NUP188: variants seen among roughly 807,000 people sequenced by gnomAD.
The protein encoded by NUP188 is nucleoporin 188, also known as nucleoporin NUP188.
In NUP188, 97 loss-of-function variants were observed where a neutral mutation model predicts 223.0. The observed-to-expected ratio is 0.43, with a 90% CI of 0.37 to 0.51. The LOEUF is 0.51. Ranked by LOEUF, NUP188 falls within the 20% of genes least tolerant of loss-of-function variation. The pLI, the probability that NUP188 is intolerant of heterozygous loss-of-function variation, is 0.00. For synonymous variants in NUP188, 869 were observed against 828.0 expected (o/e 1.05, Z -0.85); for missense variants, 1,947 against 2,175.6 (o/e 0.89, Z 2.09).
rs1473229993 is a variant in NUP188, at chr9:129,001,967, C to T, written c.4128C>T (p.Gly1376=). The T allele has an allele frequency of 6.2e-7, 1 of 1,613,994 alleles. No individual in the cohort carries two copies. The highest frequency in any genetic ancestry group is 2.2e-5 in the East Asian group (1 of 44,886). Reference sequence around the variant, plus strand: ...GTGTGTACCAGCTGAGCACCAACGGCACAGCACAGGTGAGTGTCAGGAGCT... The same window carrying T: ...GTGTGTACCAGCTGAGCACCAACGGTACAGCACAGGTGAGTGTCAGGAGCT... ...LLSVYQLSTN[G]TAQTPSASRK... is the part of the protein sequence containing the mutation. The change falls in exon 36 of 44, where the codon GGC becomes GGT. Residue 1376 remains glycine, a synonymous_variant. Transcript: ENST00000372577.
chr9:128,971,750 C>T (rs1456783755), intron 11 of NUP188, among the ~76,000 whole-genome samples: 1 of 150,368 alleles, frequency 6.7e-6, no homozygotes, highest in East Asian at 2.0e-4. Context: ...GAAATGAAAC[C>T]TCAGGTTCAG....
intron 11 of NUP188, among the ~76,000 whole-genome samples, chr9:128,972,518 A>G (rs1842117589): frequency 1.3e-5 from 2 of 152,238 alleles, no homozygotes; most frequent in African/African-American, 4.8e-5. Context: ...ATGTGATACT[A>G]CAATGGTGGA....
At chr9:128,983,655 T>A (rs2131167671) in intron 19 of NUP188, 105 bp downstream of exon 19, 3 of 861,048 alleles carry the variant, frequency 3.5e-6, no homozygotes, top group East Asian at 5.3e-5. Context: ...TTTGTTTGTT[T>A]ATTTTTTTGA....
intron 2 of NUP188, among the ~76,000 whole-genome samples, chr9:128,950,517 G>A (rs1426557477): frequency 2.0e-5 from 3 of 152,190 alleles, no homozygotes; most frequent in Admixed American, 2.0e-4. Context: ...CACTGTGCCT[G>A]GTATAAACAC....
At chr9:128,952,653 G>T in intron 2 of NUP188, 120 bp from the exon 3 acceptor site, 1 of 675,262 alleles carries the variant, frequency 1.5e-6, no homozygotes. Flanking sequence ...AACCTGGGAG[G>T]CGGAGGTTGC....
rs149051838 is a variant in NUP188, at chr9:129,005,236, C to T, written c.4509+15C>T. On this transcript the variant is annotated intron_variant, in intron 39 of 43. Transcript: ENST00000372577. The stretch of plus-strand genomic sequence containing the variant: ...ATTACTTACAGGTAAGCGTCCTATG[C>T]CATGAGGTCCTGGAATACCTCACGC... 6.3e-5 allele frequency: 102 copies of T among 1,613,200 alleles called. No individual in the cohort carries two copies. In the African/African-American group the frequency reaches 1.1e-3, roughly 18 times the overall value.
chr9:128,948,115 C>T (rs1244620936), intron 1 of NUP188: 2 of 205,774 alleles, frequency 9.7e-6, no homozygotes, highest in African/African-American at 4.6e-5. Flanking sequence ...TTGCGGTCTC[C>T]TGGGGTACCC....
At chr9:128,952,053 A>G (rs1374916835) in intron 2 of NUP188, among the ~76,000 whole-genome samples, 2 of 152,152 alleles carry the variant, frequency 1.3e-5, no homozygotes, top group East Asian at 3.8e-4. Flanking sequence ...TCGGCCTCCC[A>G]AAGTGCTAGG....
At chr9:128,968,285 T>A (rs1239758920) in intron 8 of NUP188, among the ~76,000 whole-genome samples, 1 of 151,034 alleles carries the variant, frequency 6.6e-6, no homozygotes, top group African/African-American at 2.5e-5. Flanking sequence ...AAAAAAAAAA[T>A]TAAATACGGA....
chr9:128,991,327 C>CA (rs1439792316), intron 25 of NUP188, among the ~76,000 whole-genome samples: 1 of 151,962 alleles, frequency 6.6e-6, no homozygotes, highest in Non-Finnish European at 1.5e-5. Context: ...ATCATGAGGT[C>CA]AGGGGTTCAA....
At chr9:128,987,915 G>C in intron 23 of NUP188, 132 bp from the exon 24 acceptor site, 1 of 1,218,704 alleles carries the variant, frequency 8.2e-7, no homozygotes, top group Admixed American at 2.0e-5. Context: ...CTCTCTCCTA[G>C]TTTGGACTGG....
chr9:128,962,455 T>C (rs1254290862), intron 8 of NUP188, among the ~76,000 whole-genome samples: 1 of 152,032 alleles, frequency 6.6e-6, no homozygotes, highest in Non-Finnish European at 1.5e-5. Context: ...TTCACCGTGT[T>C]AGCCAGGATG....
chr9:128,967,133 G>T (rs1842040978), intron 8 of NUP188, among the ~76,000 whole-genome samples: 1 of 152,102 alleles, frequency 6.6e-6, no homozygotes, highest in Non-Finnish European at 1.5e-5. Context: ...TTAGGCTCCA[G>T]TGTAGCTGGG....
chr9:128,960,628 TTAAAAATGC>T (rs1388227640), intron 8 of NUP188, among the ~76,000 whole-genome samples: 2 of 152,048 alleles, frequency 1.3e-5, no homozygotes, highest in African/African-American at 4.8e-5. Context: ...GAAGAGAACT[TTAAAAATGC>T]TATAAAAGGT....
intron 19 of NUP188, 152 bp downstream of exon 19, chr9:128,983,702 G>A (rs981406822): frequency 7.8e-6 from 5 of 639,800 alleles, no homozygotes; most frequent in Admixed American, 2.8e-5. Flanking sequence ...CTGGAGTGCA[G>A]TGGTGCAGCC....
chr9:128,965,272 A>G (rs570522706), intron 8 of NUP188, among the ~76,000 whole-genome samples: 38 of 151,982 alleles, frequency 2.5e-4, no homozygotes, highest in African/African-American at 7.7e-4. Context: ...TCCTGTTTCT[A>G]TTTGGGACAG....
At chr9:128,987,455 C>T (rs1265394131) in intron 22 of NUP188, 134 bp from the exon 23 acceptor site, 4 of 707,992 alleles carry the variant, frequency 5.6e-6, no homozygotes, top group African/African-American at 5.4e-5. Context: ...GATCAGAGTG[C>T]CTTCAGCTTG....
intron 14 of NUP188, 97 bp downstream of exon 14, chr9:128,980,822 C>T (rs1842244027): frequency 7.8e-7 from 1 of 1,284,786 alleles, no homozygotes; most frequent in Non-Finnish European, 1.1e-6. Context: ...GTTCTACTGC[C>T]ATGACAAAAG....
intron 38 of NUP188, chr9:129,004,570 T>G (rs1168367963): frequency 1.3e-5 from 2 of 153,280 alleles, no homozygotes; most frequent in African/African-American, 4.8e-5. Flanking sequence ...AGTGGTGCCA[T>G]CTCGGCTCAC....
Sources: allele counts gnomAD v4.1 joint callset (sites outside exome capture counted in the v4.1 genomes callset), GRCh38; gene constraint gnomAD v4.1.1; transcripts MANE v1.5; gene names NCBI Gene and HGNC (gene_info 2026-07-23, HGNC 2026-07-21).